The following SYT1 variants were observed in gnomAD, a reference collection of about 807,000 sequenced individuals.
The protein encoded by SYT1 is synaptotagmin 1.
In SYT1, 8 loss-of-function variants were observed where a neutral mutation model predicts 44.8. The ratio of observed to expected loss-of-function variants is 0.18; its 90% CI spans 0.10 to 0.32. The LOEUF is 0.32. Among genes scored for constraint, SYT1 ranks in the 10% least tolerant of loss-of-function variants. The probability of loss-of-function intolerance (pLI) is 1.00; values close to 1 mark genes in which losing one functional copy is unlikely to be tolerated. For synonymous variants in SYT1, 154 were observed against 188.8 expected, an observed-to-expected ratio of 0.82 and a Z score of 1.51; for missense variants, 286 against 509.3, an observed-to-expected ratio of 0.56 and a Z score of 4.22.
At chr12:79,270,818 A>G (rs973693351) in intron 4 of SYT1, among the ~76,000 whole-genome samples, 3 of 152,302 alleles carry the variant, frequency 2.0e-5, no homozygotes, top group South Asian at 2.1e-4. Flanking sequence ...TGTCCGCTCT[A>G]CTTCTACTTG....
chr12:79,353,821 A>C (rs1457435641), intron 9 of SYT1, among the ~76,000 whole-genome samples: 1 of 152,196 alleles, frequency 6.6e-6, no homozygotes, highest in African/African-American at 2.4e-5. Flanking sequence ...ATAGAAGATG[A>C]AATCTATTTT....
chr12:78,967,951 A>C (rs558577777), intron 1 of SYT1, among the ~76,000 whole-genome samples: 1 of 152,262 alleles, frequency 6.6e-6, no homozygotes, highest in South Asian at 2.1e-4. Context: ...CAATATTAAC[A>C]ATGTAGAGGA....
intron 1 of SYT1, among the ~76,000 whole-genome samples, chr12:78,964,595 A>G (rs921812632): frequency 2.6e-5 from 4 of 151,250 alleles, no homozygotes; most frequent in Non-Finnish European, 5.9e-5. Flanking sequence ...TGCATATGGC[A>G]TAAACTATTT....
At chr12:79,330,514 A>G (rs1268580486) in intron 8 of SYT1, among the ~76,000 whole-genome samples, 1 of 152,242 alleles carries the variant, frequency 6.6e-6, no homozygotes, top group East Asian at 1.9e-4. Context: ...CTGAGTTCTA[A>G]TAACATTAGG....
At chr12:79,307,758 C>G (rs1880483054) in intron 8 of SYT1, among the ~76,000 whole-genome samples, 1 of 152,222 alleles carries the variant, frequency 6.6e-6, no homozygotes, top group South Asian at 2.1e-4. Context: ...TTGGAATGGC[C>G]TTGCCTAACG....
intron 9 of SYT1, among the ~76,000 whole-genome samples, chr12:79,389,210 AC>A (rs1376329049): frequency 6.6e-6 from 1 of 152,226 alleles, no homozygotes; most frequent in Non-Finnish European, 1.5e-5. Flanking sequence ...AATAAACTGT[AC>A]TATAGAACGT....
At chr12:79,302,530 G>A (rs1001772191) in intron 8 of SYT1, among the ~76,000 whole-genome samples, 1 of 152,170 alleles carries the variant, frequency 6.6e-6, no homozygotes, top group Non-Finnish European at 1.5e-5. Context: ...CATGGATAGT[G>A]TAAGAGCCTC....
rs576884083 is a variant in SYT1, at chr12:78,886,649, C to A, written c.-217+21540C>A. ...CAGTCAGCAAGTATTTACCTATTGC[C>A]TGCTCTGAGATGAGCATTCAGCCAC... On this transcript the variant is annotated intron_variant, in intron 1 of 10. Transcript: ENST00000261205. Among the ~76,000 whole-genome samples the A allele has an allele frequency of 2.6e-5, 4 of 152,098 alleles. No homozygotes were observed. The East Asian group carries it at 7.8e-4, about 30-fold the overall frequency.
At chr12:78,969,122 C>A (rs1868317187) in intron 1 of SYT1, among the ~76,000 whole-genome samples, 1 of 152,084 alleles carries the variant, frequency 6.6e-6, no homozygotes, top group Non-Finnish European at 1.5e-5. Flanking sequence ...GAACAATAGA[C>A]TATAACAACT....
intron 2 of SYT1, among the ~76,000 whole-genome samples, chr12:78,999,996 T>C (rs886766883): frequency 6.6e-6 from 1 of 152,192 alleles, no homozygotes; most frequent in African/African-American, 2.4e-5. Context: ...ACAAAATGTT[T>C]GAAGTGTGAA....
At chr12:78,889,901 C>A (rs1034114651) in intron 1 of SYT1, among the ~76,000 whole-genome samples, 12 of 151,880 alleles carry the variant, frequency 7.9e-5, no homozygotes, top group Admixed American at 7.9e-4. Flanking sequence ...CCCAAAGGGG[C>A]TAAACACAGT....
intron 9 of SYT1, among the ~76,000 whole-genome samples, chr12:79,377,103 T>G (rs1336401330): frequency 8.1e-6 from 1 of 123,426 alleles, no homozygotes; most frequent in Non-Finnish European, 1.5e-5. Flanking sequence ...TAACATTTTT[T>G]GTTTTTTTGT....
chr12:79,438,061 A>AGAATT (rs1449800901), intron 9 of SYT1, among the ~76,000 whole-genome samples: 1 of 152,154 alleles, frequency 6.6e-6, no homozygotes, highest in African/African-American at 2.4e-5. Context: ...TGGAAAAGAG[A>AGAATT]GAATTTCTGG....
At chr12:79,180,052 G>C (rs551383379) in intron 3 of SYT1, among the ~76,000 whole-genome samples, 2 of 151,818 alleles carry the variant, frequency 1.3e-5, no homozygotes, top group African/African-American at 4.8e-5. Context: ...TCTTCAAGAC[G>C]TATCTTCAGG....
At chr12:79,349,033 A>AAGAAAGAAAGAAAGAAAGAAAGAAAGAG (rs1367804411) in intron 8 of SYT1, among the ~76,000 whole-genome samples, 31 of 120,210 alleles carry the variant, frequency 2.6e-4, no homozygotes, top group Non-Finnish European at 4.5e-4. Context: ...GAAAGAAAGA[A>AAGAAAGAAAGAAAGAAAGAAAGAAAGAG]AAAGAAAGAA....
chr12:78,868,470 AT>A (rs1464288746), intron 1 of SYT1, among the ~76,000 whole-genome samples: 2 of 151,896 alleles, frequency 1.3e-5, no homozygotes, highest in Non-Finnish European at 3.0e-5. Context: ...GACGTGGCTG[AT>A]TTTAGCTGAA....
At chr12:79,105,570 G>A (rs1333143533) in intron 3 of SYT1, among the ~76,000 whole-genome samples, 1 of 152,120 alleles carries the variant, frequency 6.6e-6, no homozygotes, top group East Asian at 1.9e-4. Flanking sequence ...AAGTATTTTG[G>A]ATATTGGAGA....
intron 1 of SYT1, among the ~76,000 whole-genome samples, chr12:78,966,185 G>A (rs1374220015): frequency 2.0e-5 from 3 of 151,946 alleles, no homozygotes; most frequent in Non-Finnish European, 2.9e-5. Flanking sequence ...ACAAGGTAGT[G>A]GGAAGGGACC....
intron 3 of SYT1, among the ~76,000 whole-genome samples, chr12:79,147,704 A>G (rs1030539571): frequency 2.0e-5 from 3 of 152,184 alleles, no homozygotes; most frequent in African/African-American, 4.8e-5. Flanking sequence ...AAATATGTCA[A>G]CTGACACAAA....
Sources: gnomAD v4.1 joint callset for allele counts (sites outside exome capture counted in the v4.1 genomes callset) on GRCh38, gnomAD v4.1.1 for gene constraint, MANE v1.5 for transcripts, NCBI Gene and HGNC (gene_info 2026-07-23, HGNC 2026-07-21) for gene names.